The following SLC3A1 variants were observed in gnomAD, a reference collection of about 807,000 sequenced individuals.
The protein encoded by SLC3A1 is solute carrier family 3 member 1.
SLC3A1 carries 78 observed loss-of-function variants against 60.3 expected under a neutral mutation model. That is an observed-to-expected ratio of 1.29 (90% CI 1.08 to 1.56). The LOEUF (loss-of-function observed/expected upper bound fraction) is 1.56, where lower values mean the gene tolerates loss of function less well. Among genes scored for constraint, SLC3A1 ranks in the 40% most tolerant of loss-of-function variants. The pLI, the probability that SLC3A1 is intolerant of heterozygous loss-of-function variation, is 0.00. For synonymous variants in SLC3A1, 392 were observed against 307.9 expected, an observed-to-expected ratio of 1.27 and a Z score of -2.86; for missense variants, 1,172 against 858.9, an observed-to-expected ratio of 1.36 and a Z score of -4.56.
At chr2:44,292,489 G>C (rs1314177381) in intron 4 of SLC3A1, among the ~76,000 whole-genome samples, 1 of 152,144 alleles carries the variant, frequency 6.6e-6, no homozygotes, top group Admixed American at 6.5e-5. Flanking sequence ...TGGTAAGATA[G>C]ATACCTCTTG....
intron 4 of SLC3A1, among the ~76,000 whole-genome samples, chr2:44,293,752 C>T (rs1410162760): frequency 6.6e-6 from 1 of 152,062 alleles, no homozygotes; most frequent in Non-Finnish European, 1.5e-5. Context: ...AAGAAAAATC[C>T]AAGGGAGCCA....
At position 44,275,500 on chromosome 2, in the gene SLC3A1, G is replaced by T. The variant is rs1246755796; in HGVS notation, c.-36G>T. The T allele has an allele frequency of 6.3e-7, 1 of 1,579,462 alleles. No individual in the cohort carries two copies. ...AAGCCACTCTTCCACCTCCCTTACTGCAGGAAGGCACTCCGAAGACATAAG... is the reference window on the plus strand; with the variant it reads ...AAGCCACTCTTCCACCTCCCTTACTTCAGGAAGGCACTCCGAAGACATAAG... On this transcript the variant is annotated 5_prime_UTR_variant, in exon 1 of 10. Coordinates refer to ENST00000260649, the MANE Select transcript of SLC3A1 (RefSeq NM_000341.4).
intron 7 of SLC3A1, among the ~76,000 whole-genome samples, chr2:44,307,660 G>A (rs1312924045): frequency 6.7e-6 from 1 of 150,334 alleles, no homozygotes. Context: ...TTGGAGTAAT[G>A]TCTGTTCAGA....
chr2:44,299,822 A>C, intron 4 of SLC3A1, 149 bp from the exon 5 acceptor site: 1 of 819,954 alleles, frequency 1.2e-6, no homozygotes, highest in Non-Finnish European at 2.0e-6. Context: ...GTTATGCTAA[A>C]TAGATAAAAA....
chr2:44,306,586 G>C (rs77473631), intron 7 of SLC3A1, among the ~76,000 whole-genome samples: 1,888 of 93,424 alleles, frequency 0.02, 20 homozygotes, highest in Middle Eastern at 0.07. Context: ...ACGGAGTTTT[G>C]CTCGTTACCC....
chr2:44,307,564 ATTT>A (rs34665826), intron 7 of SLC3A1, among the ~76,000 whole-genome samples: 76 of 129,618 alleles, frequency 5.9e-4, no homozygotes, highest in East Asian at 9.6e-4. Context: ...ATCTCATTGC[ATTT>A]TTTTTTTTTT....
chr2:44,300,160 G>C, intron 5 of SLC3A1, 70 bp downstream of exon 5: 2 of 1,475,372 alleles, frequency 1.4e-6, no homozygotes, highest in Non-Finnish European at 1.9e-6. Flanking sequence ...TTCTTTCTCA[G>C]CCTGAGATAC....
At chr2:44,306,642 C>T (rs1672165402) in intron 7 of SLC3A1, among the ~76,000 whole-genome samples, 1 of 149,302 alleles carries the variant, frequency 6.7e-6, no homozygotes, top group African/African-American at 2.5e-5. Context: ...CAACCTCTGC[C>T]TCCTGGGTTC....
chr2:44,284,146 C>T (rs1488445426), intron 3 of SLC3A1, among the ~76,000 whole-genome samples: 1 of 152,104 alleles, frequency 6.6e-6, no homozygotes, highest in Non-Finnish European at 1.5e-5. Context: ...GTGGCGTGAT[C>T]TTGGCTCACT....
chr2:44,281,568 A>G (rs532928438), intron 3 of SLC3A1, 27 bp downstream of exon 3: 2 of 1,610,234 alleles, frequency 1.2e-6, no homozygotes, highest in South Asian at 1.1e-5. Context: ...CTGACTTACA[A>G]AGGGGTAAAA....
rs988964067 is a variant in SLC3A1 at position 44,312,763 on chromosome 2, A to C, written c.1500+10A>C. On this transcript the variant is annotated intron_variant, in intron 8 of 9. Coordinates refer to ENST00000260649, the MANE Select transcript of SLC3A1 (RefSeq NM_000341.4). ...TGAAAGCTATGATATTGTAAGTTGA[A>C]TACAACTTGACTATTCATCACAGCT... 6.2e-7 allele frequency: 1 copy of C among 1,609,658 alleles called. No individual in the cohort carries two copies. Among genetic ancestry groups the C allele is most frequent in the African/African-American group, 1.3e-5 (1 of 74,682 alleles).
At chr2:44,311,299 AG>A (rs112098090) in intron 7 of SLC3A1, among the ~76,000 whole-genome samples, 2 of 152,108 alleles carry the variant, frequency 1.3e-5, no homozygotes, top group African/African-American at 4.8e-5. Context: ...TAAATTCTTC[AG>A]GCACAGGTTT....
intron 4 of SLC3A1, among the ~76,000 whole-genome samples, chr2:44,291,046 A>C (rs553320752): frequency 6.6e-6 from 1 of 152,370 alleles, no homozygotes; most frequent in South Asian, 2.1e-4. Flanking sequence ...ATTGAGGCTT[A>C]GATAGGTAAA....
At chr2:44,310,453 T>C (rs1672266985) in intron 7 of SLC3A1, among the ~76,000 whole-genome samples, 1 of 152,232 alleles carries the variant, frequency 6.6e-6, no homozygotes, top group Non-Finnish European at 1.5e-5. Flanking sequence ...ACTTTGAATA[T>C]GTCATCCCAT....
Position 44,275,722 on chromosome 2 carries a change from C to T in SLC3A1, c.187C>T (p.Gln63Ter). The T allele has an allele frequency of 6.2e-7, 1 of 1,614,206 alleles. No individual in the cohort carries two copies. Among genetic ancestry groups the T allele is most frequent in the Non-Finnish European group, 8.5e-7 (1 of 1,180,014 alleles). The change falls in exon 1 of 10, where the codon CAG (glutamine) becomes TAG (stop). Residue 63 changes from glutamine to a stop codon, truncating the protein, a stop_gained. Transcript: ENST00000260649. LOFTEE classifies it high-confidence loss of function. ...GSQEPDFKGVQPYAGMPKEVL... is the reference protein window; with the variant it reads ...GSQEPDFKGV ...CCAGGAGCCCGACTTCAAGGGCGTC[C>T]AGCCCTATGCGGGGATGCCCAAGGA...
chr2:44,297,945 A>G (rs896063313), intron 4 of SLC3A1, among the ~76,000 whole-genome samples: 2 of 152,158 alleles, frequency 1.3e-5, no homozygotes, highest in South Asian at 2.1e-4. Flanking sequence ...GTGTCAGCAC[A>G]TTGTTCCTTT....
chr2:44,296,185 C>T (rs1480363827), intron 4 of SLC3A1, among the ~76,000 whole-genome samples: 1 of 152,172 alleles, frequency 6.6e-6, no homozygotes, highest in Non-Finnish European at 1.5e-5. Context: ...TTCCTGTTTG[C>T]CAGCTGCAAA....
chr2:44,277,104 T>TC (rs1671364877), intron 1 of SLC3A1, among the ~76,000 whole-genome samples: 3 of 97,998 alleles, frequency 3.1e-5, no homozygotes, highest in Non-Finnish European at 4.3e-5. Context: ...CTCTCTCTTC[T>TC]TTTTTTTTTT....
At chr2:44,322,413 G>A (rs1296124894), downstream of SLC3A1, among the ~76,000 whole-genome samples, 2 of 152,124 alleles carry the variant, frequency 1.3e-5, no homozygotes, top group Admixed American at 6.6e-5. Context: ...CAAGAATAAC[G>A]GCTCAATAAA....
Sources: gnomAD v4.1 joint callset for allele counts (sites outside exome capture counted in the v4.1 genomes callset) on GRCh38, gnomAD v4.1.1 for gene constraint, MANE v1.5 for transcripts, NCBI Gene and HGNC (gene_info 2026-07-23, HGNC 2026-07-21) for gene names.